Variants in LEMD1 observed in about 807,000 individuals in gnomAD.
LEMD1 encodes the protein LEM domain containing 1.
Under a neutral mutation model 17.4 loss-of-function variants are expected in LEMD1, and 18 were observed. That is an observed-to-expected ratio of 1.04 (90% CI 0.72 to 1.54). The LOEUF (loss-of-function observed/expected upper bound fraction) is 1.54, where lower values mean the gene tolerates loss of function less well. Among genes scored for constraint, LEMD1 ranks in the 40% most tolerant of loss-of-function variants. The probability of loss-of-function intolerance (pLI) is 0.00; values close to 1 mark genes in which losing one functional copy is unlikely to be tolerated. For missense variants in LEMD1, 195 were observed against 210.4 expected (o/e 0.93, Z 0.45); for synonymous variants, 88 against 77.8 (o/e 1.13, Z -0.69).
At chr1:205,387,000 G>A (rs1397983580) in intron 4 of LEMD1, 2 of 151,874 alleles carry the variant, frequency 1.3e-5, no homozygotes, top group East Asian at 1.9e-4. Context: ...TTTTTAATTC[G>A]CTTAAATTTA....
At chr1:205,384,755 T>C (rs941259871) in intron 4 of LEMD1, among the ~76,000 whole-genome samples, 2 of 152,178 alleles carry the variant, frequency 1.3e-5, no homozygotes, top group Non-Finnish European at 2.9e-5. Context: ...AAGTTGACTA[T>C]GAACAAGGAC....
intron 4 of LEMD1, among the ~76,000 whole-genome samples, chr1:205,389,984 C>G (rs997273086): frequency 6.6e-6 from 1 of 152,136 alleles, no homozygotes; most frequent in Non-Finnish European, 1.5e-5. Flanking sequence ...AACTAAAAGG[C>G]TTTAAAAATT....
rs35753110 is a variant in LEMD1 at position 205,434,340 on chromosome 1, T to TAAA, written c.-38-13769_-38-13767dup. 9.5e-4 allele frequency among the ~76,000 whole-genome samples: 125 copies of TAAA among 131,878 alleles called. 1 individual carries two copies. Among genetic ancestry groups the TAAA allele is most frequent in the African/African-American group, 3.3e-3 (121 of 36,942 alleles). The allele number at this position is 131,878 out of a possible 152,430, so 86.5% of individuals were successfully genotyped here. On this transcript the variant is annotated intron_variant, in intron 1 of 3. Transcript: ENST00000367154. ...GTGAATGCTACCATGCCTGGCTAAGTAAAAAAAAATATATATATATATTAT... is the reference window on the plus strand; with the variant it reads ...GTGAATGCTACCATGCCTGGCTAAGTAAAAAAAAAAAATATATATATATATTAT...
chr1:205,422,553 C>T (rs948878116), upstream of LEMD1, among the ~76,000 whole-genome samples: 2 of 152,168 alleles, frequency 1.3e-5, no homozygotes, highest in Non-Finnish European at 2.9e-5. Flanking sequence ...AAAGCATGTT[C>T]GTATCATCTC....
chr1:205,417,652 T>C (rs1334447108), intron 3 of LEMD1, among the ~76,000 whole-genome samples: 1 of 151,910 alleles, frequency 6.6e-6, no homozygotes, highest in Admixed American at 6.6e-5. Flanking sequence ...TCCCTAAACC[T>C]TGCCATCCTT....
chr1:205,403,342 T>G (rs1302287370), intron 4 of LEMD1, among the ~76,000 whole-genome samples: 2 of 152,118 alleles, frequency 1.3e-5, no homozygotes, highest in African/African-American at 4.8e-5. Flanking sequence ...GGACTCTTTT[T>G]GGTTGGTAAG....
chr1:205,426,428 A>G (rs1480343724), upstream of LEMD1, among the ~76,000 whole-genome samples: 1 of 152,222 alleles, frequency 6.6e-6, no homozygotes, highest in Non-Finnish European at 1.5e-5. Flanking sequence ...TCAAATACCA[A>G]TAGAGTGGTA....
intron 3 of LEMD1, among the ~76,000 whole-genome samples, chr1:205,416,878 T>C (rs551044537): frequency 1.2e-3 from 177 of 152,336 alleles, no homozygotes; most frequent in Middle Eastern, 3.4e-3. Context: ...ATTAAAGCTG[T>C]GTCTCCCCAC....
rs1665914857 is a variant in LEMD1 at position 205,420,521 on chromosome 1, A to T, written c.16T>A (p.Cys6Ser). MVDVK[C>S]LSDCKLQNQL... ...TTCTGCAATTTACAGTCACTCAGAC[A>T]CTTCACATCCACCATGATGATAGAA... The change falls in exon 2 of 6, where the codon TGT (cysteine) becomes AGT (serine). Residue 6 changes from cysteine to serine, a missense_variant. Physicochemically the swap from Cys to Ser is moderately radical, Grantham distance 112 (BLOSUM62 -1). Transcript: ENST00000367153. 6.2e-7 allele frequency: 1 copy of T among 1,613,972 alleles called. No homozygotes were observed. The highest frequency in any genetic ancestry group is 8.5e-7 in the Non-Finnish European group (1 of 1,179,870).
intron 4 of LEMD1, among the ~76,000 whole-genome samples, chr1:205,411,112 G>T (rs976072416): frequency 6.9e-6 from 1 of 145,470 alleles, no homozygotes; most frequent in Non-Finnish European, 1.5e-5. Context: ...AGAAAGAAAG[G>T]AAGGAGGGAG....
At chr1:205,396,374 T>G (rs999821307) in intron 4 of LEMD1, among the ~76,000 whole-genome samples, 2 of 152,234 alleles carry the variant, frequency 1.3e-5, no homozygotes, top group African/African-American at 4.8e-5. Flanking sequence ...TGTAGAGCAA[T>G]TTAATATAAT....
intron 3 of LEMD1, among the ~76,000 whole-genome samples, chr1:205,417,912 G>A (rs928339928): frequency 7.3e-5 from 11 of 151,660 alleles, no homozygotes; most frequent in South Asian, 6.3e-4. Context: ...AGTGGAAAGA[G>A]CAAAGTTTGG....
Position 205,448,133 on chromosome 1 carries a change from AG to A in LEMD1, c.-39+1734del, listed in dbSNP as rs1289465267. Among the ~76,000 whole-genome samples, 2 of 152,114 alleles carry A rather than the reference AG, an allele frequency of 1.3e-5. No homozygotes were observed. The highest frequency in any genetic ancestry group is 2.9e-5 in the Non-Finnish European group (2 of 68,020). ...GGCCCAGTCTCTTCATTCCAGAGTG[AG>A]GAAACAGGGCCAGAAGGGAAGTGAC... On this transcript the variant is annotated intron_variant, in intron 1 of 3. Coordinates refer to the LEMD1 transcript ENST00000367154. The surrounding 1 kb of genome is among the most constrained non-coding windows in gnomAD (Gnocchi z 4.7).
chr1:205,399,869 A>G (rs1390652476), intron 4 of LEMD1, among the ~76,000 whole-genome samples: 5 of 152,238 alleles, frequency 3.3e-5, no homozygotes, highest in African/African-American at 1.2e-4. Context: ...AATGCCAACT[A>G]ATAAATGAAG....
chr1:205,416,284 A>G lies in LEMD1; in HGVS notation c.218T>C (p.Ile73Thr), dbSNP rs16855539. Residue 73 changes from isoleucine (I) to threonine (T), a missense_variant, in exon 4 of 6, where the codon ATT (isoleucine) becomes ACT (threonine). Coordinates refer to ENST00000367153, the MANE Select transcript of LEMD1 (RefSeq NM_001199050.2). Reference sequence around the variant, plus strand: ...TGAGAGTATGATATTTCCTTGCAAAATGATATTAAGCTCTGGATCATGGGA... The same window carrying G: ...TGAGAGTATGATATTTCCTTGCAAAGTGATATTAAGCTCTGGATCATGGGA... ...DSDDSEELNI[I>T]LQGNIILSTE... 0.013 allele frequency: 20,283 copies of G among 1,547,632 alleles called. 365 individuals carry two copies. Among genetic ancestry groups the G allele is most frequent in the African/African-American group, 0.078 (5,690 of 72,960 alleles).
intron 5 of LEMD1, among the ~76,000 whole-genome samples, chr1:205,382,667 C>T (rs1663775963): frequency 6.6e-6 from 1 of 152,196 alleles, no homozygotes; most frequent in Non-Finnish European, 1.5e-5. Flanking sequence ...TATCACTTCT[C>T]AATGCCGGCA....
intron 1 of LEMD1, among the ~76,000 whole-genome samples, chr1:205,447,226 C>A (rs1056212568): frequency 6.6e-6 from 1 of 152,204 alleles, no homozygotes; most frequent in Admixed American, 6.5e-5. Flanking sequence ...TTTCTTAGCT[C>A]CCTGTGCCTC....
At chr1:205,389,895 G>A (rs1224814586) in intron 4 of LEMD1, among the ~76,000 whole-genome samples, 1 of 152,130 alleles carries the variant, frequency 6.6e-6, no homozygotes, top group African/African-American at 2.4e-5. Flanking sequence ...TTACTTCATT[G>A]TTTTTGCCTG....
At chr1:205,387,528 T>A (rs1664092642) in intron 4 of LEMD1, 1 of 152,186 alleles carries the variant, frequency 6.6e-6, no homozygotes, top group South Asian at 2.1e-4. Context: ...ATAAACAACA[T>A]TTACAGTGGA....
Sources: allele counts gnomAD v4.1 joint callset (sites outside exome capture counted in the v4.1 genomes callset), GRCh38; gene constraint gnomAD v4.1.1; non-coding constraint Gnocchi (gnomAD v3.1); transcripts MANE v1.5; gene names NCBI Gene and HGNC (gene_info 2026-07-23, HGNC 2026-07-21).